SCEL: variants seen among roughly 807,000 people sequenced by gnomAD.
The protein encoded by SCEL is sciellin.
SCEL carries 113 observed loss-of-function variants against 117.6 expected under a neutral mutation model. That is an observed-to-expected ratio of 0.96 (90% CI 0.83 to 1.12). The LOEUF is 1.12. Among genes scored for constraint, SCEL ranks in the 50% most tolerant of loss-of-function variants. The pLI is 0.00. For synonymous variants in SCEL, 270 were observed against 256.2 expected, an observed-to-expected ratio of 1.05 and a Z score of -0.51; for missense variants, 785 against 810.8, an observed-to-expected ratio of 0.97 and a Z score of 0.39.
At chr13:77,609,911 C>A in intron 21 of SCEL, 136 bp from the exon 22 acceptor site, 1 of 401,914 alleles carries the variant, frequency 2.5e-6, no homozygotes. Flanking sequence ...CACTGAAAAC[C>A]CCCAGCCCTC....
chr13:77,602,784 C>T, intron 17 of SCEL, 71 bp downstream of exon 17: 1 of 1,341,666 alleles, frequency 7.5e-7, no homozygotes, highest in Non-Finnish European at 1.1e-6. Context: ...ATTGAGGGCA[C>T]CACATCTTTG....
intron 4 of SCEL, among the ~76,000 whole-genome samples, chr13:77,560,256 C>A (rs1469478031): frequency 7.6e-6 from 1 of 131,976 alleles, no homozygotes; most frequent in East Asian, 2.2e-4. Context: ...CATGGCCAGA[C>A]CCTGCCTCTA....
chr13:77,572,066 A>T, intron 8 of SCEL, 58 bp from the exon 9 acceptor site: 2 of 1,385,426 alleles, frequency 1.4e-6, no homozygotes, highest in Admixed American at 1.7e-5. Flanking sequence ...ATTTTCAGAC[A>T]TGTGGGTGGG....
chr13:77,632,224 T>A (rs1458768919), intron 28 of SCEL, among the ~76,000 whole-genome samples: 1 of 152,258 alleles, frequency 6.6e-6, no homozygotes, highest in African/African-American at 2.4e-5. Context: ...TGTTGGCAAA[T>A]CACTTATCTC....
At chr13:77,567,482 T>A (rs1384172021) in intron 5 of SCEL, among the ~76,000 whole-genome samples, 198 bp from the exon 6 acceptor site, 1 of 152,132 alleles carries the variant, frequency 6.6e-6, no homozygotes, top group Non-Finnish European at 1.5e-5. Context: ...TCAAACTATA[T>A]TAAAACAACC....
At chr13:77,620,270 C>T (rs1193441719) in intron 27 of SCEL, among the ~76,000 whole-genome samples, 1 of 152,118 alleles carries the variant, frequency 6.6e-6, no homozygotes, top group Non-Finnish European at 1.5e-5. Context: ...TTGGTTCAGC[C>T]ACCCGTATCT....
chr13:77,538,186 G>T (rs375228173), intron 1 of SCEL, among the ~76,000 whole-genome samples: 1 of 150,252 alleles, frequency 6.7e-6, no homozygotes, highest in Non-Finnish European at 1.5e-5. Flanking sequence ...GCACAATCTC[G>T]GGTTACTGCA....
chr13:77,592,563 T>C (rs967645812), intron 11 of SCEL, among the ~76,000 whole-genome samples: 10 of 59,678 alleles, frequency 1.7e-4, no homozygotes, highest in African/African-American at 1.0e-3. Context: ...TTCTTCTTCC[T>C]TTTTTTTTTT....
Position 77,640,800 on chromosome 13 carries a change from TTTCACTTAATTAA to T in SCEL, c.1947+17_1947+29del. ...TTGCTTTAAGGTAAGGATGTGTTTA[TTTCACTTAATTAA>T]ATAAAAAATTGCATAATAACTGGAA... On this transcript the variant is annotated intron_variant, in intron 31 of 32. Transcript: ENST00000349847. 1 of 1,235,904 alleles carries T rather than the reference TTTCACTTAATTAA, an allele frequency of 8.1e-7. No homozygotes were observed. The highest frequency in any genetic ancestry group is 1.2e-6 in the Non-Finnish European group (1 of 857,982). 76.6% of individuals were successfully genotyped at this position (1,235,904 alleles called of 1,614,324 possible). A position where few individuals can be genotyped will look rare whatever the true frequency, so the allele number is the denominator to read the frequency against.
intron 28 of SCEL, among the ~76,000 whole-genome samples, chr13:77,628,351 T>G (rs944556253): frequency 6.6e-6 from 1 of 152,018 alleles, no homozygotes; most frequent in African/African-American, 2.4e-5. Context: ...TGAAGATTTA[T>G]TTTTACTTAC....
chr13:77,567,750 T>C lies in SCEL; in HGVS notation c.359+2T>C. Reference sequence around the variant, plus strand: ...CTTGGATAACCAACTAACCAATAGGTACCAGTATCTACTAACTATGGGAAA... The same window carrying C: ...CTTGGATAACCAACTAACCAATAGGCACCAGTATCTACTAACTATGGGAAA... On this transcript the variant is annotated splice_donor_variant, in intron 6 of 32. Transcript: ENST00000349847. LOFTEE classifies it high-confidence loss of function. The C allele has an allele frequency of 6.4e-7, 1 of 1,561,960 alleles. No homozygotes were observed. The highest frequency in any genetic ancestry group is 1.4e-5 in the African/African-American group (1 of 73,346).
chr13:77,541,009 G>A lies in SCEL; in HGVS notation c.-20+5185G>A, dbSNP rs530968041. 5.9e-5 allele frequency among the ~76,000 whole-genome samples: 9 copies of A among 152,288 alleles called. No individual in the cohort carries two copies. In the South Asian group the frequency reaches 1.7e-3, roughly 28 times the overall value. On this transcript the variant is annotated intron_variant, in intron 1 of 32. Transcript: ENST00000349847. ...GACTTGACGATTGCTTGGATTTCAAGGTCAGAAAGAAGATTGATGGATGGT... is the reference window on the plus strand; with the variant it reads ...GACTTGACGATTGCTTGGATTTCAAAGTCAGAAAGAAGATTGATGGATGGT...
chr13:77,552,851 T>C (rs1241367424), intron 1 of SCEL, among the ~76,000 whole-genome samples: 1 of 152,216 alleles, frequency 6.6e-6, no homozygotes, highest in African/African-American at 2.4e-5. Flanking sequence ...GGTGTAATGA[T>C]TAAGTCTTTA....
chr13:77,583,724 AATTCACAGT>A (rs2086396090), intron 9 of SCEL, among the ~76,000 whole-genome samples: 1 of 152,230 alleles, frequency 6.6e-6, no homozygotes, highest in Admixed American at 6.5e-5. Flanking sequence ...GTGAAAACAA[AATTCACAGT>A]TAAATATTAG....
chr13:77,553,849 A>G (rs184249323), intron 1 of SCEL, among the ~76,000 whole-genome samples: 1 of 152,080 alleles, frequency 6.6e-6, no homozygotes, highest in African/African-American at 2.4e-5. Context: ...CTCATGATGC[A>G]AATAAGAGAC....
chr13:77,571,956 C>A (rs368892697), intron 8 of SCEL, among the ~76,000 whole-genome samples, 168 bp from the exon 9 acceptor site: 3 of 152,176 alleles, frequency 2.0e-5, no homozygotes, highest in African/African-American at 7.2e-5. Flanking sequence ...AACAGATAGC[C>A]TAGAATATAG....
intron 19 of SCEL, among the ~76,000 whole-genome samples, chr13:77,606,229 G>C (rs529953736): frequency 6.6e-6 from 1 of 152,262 alleles, no homozygotes; most frequent in African/African-American, 2.4e-5. Context: ...CACAATGCTT[G>C]TGTTTTCATG....
At chr13:77,628,903 A>C (rs2089901700) in intron 28 of SCEL, among the ~76,000 whole-genome samples, 1 of 152,100 alleles carries the variant, frequency 6.6e-6, no homozygotes, top group African/African-American at 2.4e-5. Context: ...AGTCTTTGAG[A>C]GAATGAGGGA....
intron 4 of SCEL, among the ~76,000 whole-genome samples, chr13:77,561,081 G>A (rs1233512636): frequency 1.3e-5 from 2 of 152,094 alleles, no homozygotes; most frequent in Non-Finnish European, 2.9e-5. Flanking sequence ...ACTCTCTGCC[G>A]AGGCCCTGTC....
Sources: allele counts gnomAD v4.1 joint callset (sites outside exome capture counted in the v4.1 genomes callset), GRCh38; gene constraint gnomAD v4.1.1; transcripts MANE v1.5; gene names NCBI Gene and HGNC (gene_info 2026-07-23, HGNC 2026-07-21).